The following C1D variants were observed in gnomAD, a reference collection of about 807,000 sequenced individuals.
C1D encodes nuclear nucleic acid-binding protein C1D.
Under a neutral mutation model 17.5 loss-of-function variants are expected in C1D, and 10 were observed. That is an observed-to-expected ratio of 0.57 (90% CI 0.35 to 0.97). The LOEUF (loss-of-function observed/expected upper bound fraction) is 0.97. Among genes scored for constraint, C1D ranks in the 50% least tolerant of loss-of-function variants. The pLI is 0.01. For synonymous variants in C1D, 49 were observed against 54.0 expected (o/e 0.91, Z 0.40); for missense variants, 136 against 160.1 (o/e 0.85, Z 0.81).
intron 1 of C1D, among the ~76,000 whole-genome samples, chr2:68,061,011 T>C (rs1482746491): frequency 6.6e-6 from 1 of 152,234 alleles, no homozygotes; most frequent in Non-Finnish European, 1.5e-5. Flanking sequence ...AGTCACCACA[T>C]GGATCCAAAC....
rs1670951307 is a variant in C1D at position 68,041,257 on chromosome 2, C to A, written c.*1632G>T. On this transcript the variant is annotated 3_prime_UTR_variant, in exon 5 of 5. Coordinates refer to ENST00000410067, the MANE Select transcript of C1D (RefSeq NM_173177.3). ...CTCACTTAAAAGTTACACAATTTAA[C>A]AGAACGTAGAGGTGCACTTTCATAA... is the stretch of plus-strand genomic sequence containing the variant. 6.6e-6 allele frequency: 1 copy of A among 151,964 alleles called. No homozygotes were observed. Among genetic ancestry groups the A allele is most frequent in the Admixed American group, 6.6e-5 (1 of 15,250 alleles). 9.4% of individuals were successfully genotyped at this position (151,964 alleles called of 1,614,324 possible). A position where few individuals can be genotyped will look rare whatever the true frequency, so the allele number is the denominator to read the frequency against.
rs377055313 is a variant in C1D, at chr2:68,062,713, A to G, written c.-10+245T>C. Among the ~76,000 whole-genome samples, 31 of 152,180 alleles carry G rather than the reference A, an allele frequency of 2.0e-4. 1 individual carries two copies. The East Asian group carries it at 5.6e-3, about 28-fold the overall frequency. The stretch of plus-strand genomic sequence containing the variant: ...AAGAAAAAGAGAGAGACCGGAGCAA[A>G]AGAGAGAAATGAGGGGCCGGGGTAA... On this transcript the variant is annotated intron_variant, in intron 1 of 4. Transcript: ENST00000410067.
intron 1 of C1D, among the ~76,000 whole-genome samples, chr2:68,062,382 T>C (rs182721585): frequency 1.3e-3 from 192 of 152,278 alleles, no homozygotes; most frequent in African/African-American, 4.3e-3. Context: ...AAGTTTGAGT[T>C]ACACTGAACT....
intron 1 of C1D, chr2:68,052,998 A>G: frequency 1.3e-6 from 2 of 1,534,254 alleles, no homozygotes; most frequent in South Asian, 1.2e-5. Flanking sequence ...CTGAGCCAAA[A>G]GAAGTTAAAG....
At chr2:68,044,363 A>G (rs1367760782) in intron 4 of C1D, among the ~76,000 whole-genome samples, 17 of 152,230 alleles carry the variant, frequency 1.1e-4, no homozygotes, top group Admixed American at 1.1e-3. Context: ...CATTTGTGAT[A>G]CATACGGCAA....
Position 68,042,967 on chromosome 2 carries a change from T to C in C1D, c.348A>G (p.Arg116=), listed in dbSNP as rs775712538. 5 of 1,611,294 alleles carry C rather than the reference T, an allele frequency of 3.1e-6. No homozygotes were observed. The highest frequency in any genetic ancestry group is 4.5e-5 in the East Asian group (2 of 44,816). ...AGKLDRGAAS[R]FVKNALWEPK... is the part of the protein sequence containing the mutation. Reference sequence around the variant, plus strand: ...GTTCCCAGAGGGCATTTTTTACAAATCTTGAAGCTGCACCTCTGTCCAGCT... The same window carrying C: ...GTTCCCAGAGGGCATTTTTTACAAACCTTGAAGCTGCACCTCTGTCCAGCT... The change falls in exon 5 of 5, where the codon AGA becomes AGG. Residue 116 remains arginine, a synonymous_variant. Coordinates refer to ENST00000410067, the MANE Select transcript of C1D (RefSeq NM_173177.3).
chr2:68,051,834 C>T (rs1671291612), intron 1 of C1D, among the ~76,000 whole-genome samples: 1 of 151,936 alleles, frequency 6.6e-6, no homozygotes, highest in South Asian at 2.1e-4. Context: ...CACACCCCTC[C>T]CCCACACTCC....
chr2:68,054,969 C>CTT lies in C1D; in HGVS notation c.-9-7652_-9-7651dup, dbSNP rs142398518. Among the ~76,000 whole-genome samples the CTT allele has an allele frequency of 2.7e-3, 352 of 131,192 alleles. 3 individuals carry two copies. Among genetic ancestry groups the CTT allele is most frequent in the African/African-American group, 0.01 (320 of 30,620 alleles). 86.1% of individuals were successfully genotyped at this position (131,192 alleles called of 152,430 possible). On this transcript the variant is annotated intron_variant, in intron 1 of 4. Coordinates refer to ENST00000410067, the MANE Select transcript of C1D (RefSeq NM_173177.3). ...CAACAGAGCAAGGCCCACATCCTTT[C>CTT]TTTTTTTTTTAAAAAAAAAAAAAAG...
intron 1 of C1D, among the ~76,000 whole-genome samples, chr2:68,058,237 C>G (rs1468031283): frequency 6.6e-6 from 1 of 152,184 alleles, no homozygotes; most frequent in Non-Finnish European, 1.5e-5. Flanking sequence ...GATAGGCAGC[C>G]CTGATACTTG....
intron 1 of C1D, among the ~76,000 whole-genome samples, chr2:68,052,557 T>C (rs1386751764): frequency 2.0e-5 from 3 of 152,174 alleles, no homozygotes; most frequent in Admixed American, 2.0e-4. Flanking sequence ...CCTGCAATTA[T>C]TCCCTGTCCC....
chr2:68,049,122 GGGAGGT>G (rs1348549438), intron 1 of C1D, among the ~76,000 whole-genome samples: 1 of 151,860 alleles, frequency 6.6e-6, no homozygotes, highest in East Asian at 1.9e-4. Flanking sequence ...GCTTGAACCT[GGGAGGT>G]GGAGGTTGCA....
At chr2:68,060,350 A>G (rs1386392819) in intron 1 of C1D, among the ~76,000 whole-genome samples, 2 of 152,140 alleles carry the variant, frequency 1.3e-5, no homozygotes, top group Non-Finnish European at 2.9e-5. Flanking sequence ...TTCTATTAAA[A>G]CGTGAGTCAG....
chr2:68,043,080 G>T, intron 4 of C1D, 27 bp from the exon 5 acceptor site: 4 of 1,531,068 alleles, frequency 2.6e-6, no homozygotes, highest in Non-Finnish European at 3.6e-6. Context: ...AAAGGCAATA[G>T]ATTTACTAAG....
intron 1 of C1D, among the ~76,000 whole-genome samples, chr2:68,057,534 T>G (rs1671473903): frequency 6.6e-6 from 1 of 152,138 alleles, no homozygotes. Context: ...TAAGTTTTCT[T>G]AAAGGATCCA....
rs984643285 is a variant in C1D, at chr2:68,041,466, A to C, written c.*1423T>G. The stretch of plus-strand genomic sequence containing the variant: ...ACAGTAACACATTTCTCTCATGAAG[A>C]GGTTATTTTTAAAAATAGCTAGAAA... On this transcript the variant is annotated 3_prime_UTR_variant, in exon 5 of 5. Transcript: ENST00000410067. 4.6e-5 allele frequency: 7 copies of C among 152,024 alleles called. No homozygotes were observed. Among genetic ancestry groups the C allele is most frequent in the African/African-American group, 1.7e-4 (7 of 41,446 alleles). 9.4% of individuals were successfully genotyped at this position (152,024 alleles called of 1,614,324 possible). A position where few individuals can be genotyped will look rare whatever the true frequency, so the allele number is the denominator to read the frequency against.
chr2:68,042,252 A>G lies in C1D; in HGVS notation c.*637T>C, dbSNP rs1670974770. 1 of 152,576 alleles carries G rather than the reference A, an allele frequency of 6.6e-6. No homozygotes were observed. Among genetic ancestry groups the G allele is most frequent in the South Asian group, 2.1e-4 (1 of 4,830 alleles). 9.5% of individuals were successfully genotyped at this position (152,576 alleles called of 1,614,324 possible). On this transcript the variant is annotated 3_prime_UTR_variant, in exon 5 of 5. Transcript: ENST00000410067. ...TTGAGAGTACAGTCATCATGCCAAA[A>G]TTCATCCATCAACATACAACCTTAT...
At chr2:68,057,592 A>G (rs1221995705) in intron 1 of C1D, among the ~76,000 whole-genome samples, 1 of 152,236 alleles carries the variant, frequency 6.6e-6, no homozygotes, top group Non-Finnish European at 1.5e-5. Context: ...AAAGCAAGAA[A>G]GTGAGGAAGT....
intron 1 of C1D, chr2:68,053,274 G>GTC: frequency 6.9e-7 from 1 of 1,453,616 alleles, no homozygotes; most frequent in East Asian, 2.5e-5. Flanking sequence ...CTGCCACTCA[G>GTC]TCCTTCCTCT....
chr2:68,053,330 T>C lies in C1D; in HGVS notation c.-9-6011A>G. The C allele has an allele frequency of 3.0e-6, 3 of 995,100 alleles. No individual in the cohort carries two copies. The South Asian group carries it at 5.2e-5, about 17-fold the overall frequency. The allele number at this position is 995,100 out of a possible 1,614,324, so 61.6% of individuals were successfully genotyped here. A position where few individuals can be genotyped will look rare whatever the true frequency, so the allele number is the denominator to read the frequency against. ...AAGTACCGATAGGAGAAAACAAGAGTGCATAGCATCACATACAGAACTGAA... is the reference window on the plus strand; with the variant it reads ...AAGTACCGATAGGAGAAAACAAGAGCGCATAGCATCACATACAGAACTGAA... On this transcript the variant is annotated intron_variant, in intron 1 of 4. Coordinates refer to ENST00000410067, the MANE Select transcript of C1D (RefSeq NM_173177.3).
Sources: allele counts gnomAD v4.1 joint callset (sites outside exome capture counted in the v4.1 genomes callset), GRCh38; gene constraint gnomAD v4.1.1; transcripts MANE v1.5; gene names NCBI Gene and HGNC (gene_info 2026-07-23, HGNC 2026-07-21).